The following PPM1D variants were observed in gnomAD, a reference collection of about 807,000 sequenced individuals.
PPM1D encodes the protein protein phosphatase, Mg2+/Mn2+ dependent 1D.
Under a neutral mutation model 58.3 loss-of-function variants are expected in PPM1D, and 52 were observed. That is an observed-to-expected ratio of 0.89 (90% CI 0.71 to 1.12). PPM1D has a LOEUF of 1.12. Ranked by LOEUF, PPM1D falls within the 50% of genes most tolerant of loss-of-function variation. The probability of loss-of-function intolerance (pLI) is 0.00; values close to 1 mark genes in which losing one functional copy is unlikely to be tolerated. For synonymous variants in PPM1D, 278 were observed against 285.1 expected, an observed-to-expected ratio of 0.98 and a Z score of 0.25; for missense variants, 564 against 777.2, an observed-to-expected ratio of 0.73 and a Z score of 3.26.
intron 3 of PPM1D, among the ~76,000 whole-genome samples, chr17:60,642,022 AATG>A (rs1468925442): frequency 6.6e-6 from 1 of 152,264 alleles, no homozygotes; most frequent in African/African-American, 2.4e-5. Context: ...GACCTACAGA[AATG>A]ATGTTCTATG....
intron 1 of PPM1D, among the ~76,000 whole-genome samples, chr17:60,620,931 C>CT (rs889413591): frequency 1.0e-4 from 15 of 148,220 alleles, no homozygotes; most frequent in East Asian, 4.0e-4. Context: ...TTCTTTCTTT[C>CT]TTTTTTTTTG....
rs1257266116 is a variant in PPM1D at position 60,665,288 on chromosome 17, G to A, written c.*1736G>A. On this transcript the variant is annotated 3_prime_UTR_variant, in exon 6 of 6. Coordinates refer to ENST00000305921, the MANE Select transcript of PPM1D (RefSeq NM_003620.4). Reference sequence around the variant, plus strand: ...CCGGCCTGAGTTTTATGCTTTCAATGTATTTCTTACATTTCAGTTCAAGTG... The same window carrying A: ...CCGGCCTGAGTTTTATGCTTTCAATATATTTCTTACATTTCAGTTCAAGTG... 2 of 151,866 alleles carry A rather than the reference G, an allele frequency of 1.3e-5. No homozygotes were observed. The highest frequency in any genetic ancestry group is 2.9e-5 in the Non-Finnish European group (2 of 67,974). 9.4% of individuals were successfully genotyped at this position (151,866 alleles called of 1,614,324 possible).
chr17:60,615,154 T>C (rs2030556352), intron 1 of PPM1D, among the ~76,000 whole-genome samples: 1 of 152,082 alleles, frequency 6.6e-6, no homozygotes, highest in African/African-American at 2.4e-5. Context: ...CCCAACACTT[T>C]GGGAGGCTGA....
At chr17:60,637,380 A>G (rs2031045120) in intron 3 of PPM1D, among the ~76,000 whole-genome samples, 1 of 152,140 alleles carries the variant, frequency 6.6e-6, no homozygotes, top group Non-Finnish European at 1.5e-5. Flanking sequence ...TACTGGGATT[A>G]CAGGCATGAG....
At chr17:60,645,449 AAT>A (rs1229193354) in intron 3 of PPM1D, among the ~76,000 whole-genome samples, 103 of 108,094 alleles carry the variant, frequency 9.5e-4, no homozygotes, top group South Asian at 5.3e-3. Context: ...AGCAATGTAA[AAT>A]ATATATGTGT....
At chr17:60,637,277 G>A (rs1409690351) in intron 3 of PPM1D, among the ~76,000 whole-genome samples, 1 of 151,494 alleles carries the variant, frequency 6.6e-6, no homozygotes, top group Non-Finnish European at 1.5e-5. Flanking sequence ...TTGAGATGAG[G>A]TCTCACTCTG....
chr17:60,654,146 G>A (rs2031391562), intron 4 of PPM1D, among the ~76,000 whole-genome samples: 1 of 151,708 alleles, frequency 6.6e-6, no homozygotes, highest in Non-Finnish European at 1.5e-5. Context: ...TCCCCATTCA[G>A]TATTGATGTT....
At chr17:60,661,234 A>AG (rs2031520959) in intron 5 of PPM1D, among the ~76,000 whole-genome samples, 1 of 151,846 alleles carries the variant, frequency 6.6e-6, no homozygotes, top group African/African-American at 2.4e-5. Flanking sequence ...AAAAAAAAAA[A>AG]AAAAAAGGAA....
chr17:60,652,571 T>C (rs897399615), intron 4 of PPM1D, among the ~76,000 whole-genome samples: 5 of 148,440 alleles, frequency 3.4e-5, no homozygotes, highest in Admixed American at 6.7e-5. Context: ...TTTTTTTTTT[T>C]TTTTGAGGAA....
chr17:60,605,732 G>T (rs2030315963), intron 1 of PPM1D, among the ~76,000 whole-genome samples: 2 of 152,084 alleles, frequency 1.3e-5, no homozygotes, highest in South Asian at 4.1e-4. Flanking sequence ...GTGAAACTCA[G>T]TCTCTATTAA....
chr17:60,661,588 G>A (rs564043760), intron 5 of PPM1D, among the ~76,000 whole-genome samples: 135 of 152,222 alleles, frequency 8.9e-4, no homozygotes, highest in African/African-American at 3.0e-3. Context: ...GACATGAAGC[G>A]TTGTGAAAAC....
Position 60,656,689 on chromosome 17 carries a change from G to A in PPM1D, c.1108G>A (p.Ala370Thr), listed in dbSNP as rs765467232. 1 of 1,614,138 alleles carries A rather than the reference G, an allele frequency of 6.2e-7. No individual in the cohort carries two copies. The highest frequency in any genetic ancestry group is 8.5e-7 in the Non-Finnish European group (1 of 1,180,024). Residue 370 changes from alanine to threonine, a missense_variant, in exon 5 of 6, where the codon GCC (alanine) becomes ACC (threonine). Physicochemically the swap from Ala to Thr is moderately conservative, Grantham distance 58 (BLOSUM62 0). This residue lies in a region of PPM1D where 18 missense variants were observed against 43.9 expected (regional missense o/e 0.41). Coordinates refer to ENST00000305921, the MANE Select transcript of PPM1D (RefSeq NM_003620.4). ...TATGCTCCGAGCAGATAACACTAGT[G>A]CCATAGTAATCTGCATCTCTCCAGA... ...QRMLRADNTSAIVICISPEVD... is the reference protein window; with the variant it reads ...QRMLRADNTSTIVICISPEVD...
chr17:60,663,681 C>T lies in PPM1D; in HGVS notation c.*129C>T, dbSNP rs138692362. The stretch of plus-strand genomic sequence containing the variant: ...ATATACAGTTTGACTTTTTGGAATT[C>T]AGCAGTTTTATCCTGGCCTTGTACT... On this transcript the variant is annotated 3_prime_UTR_variant, in exon 6 of 6. Coordinates refer to ENST00000305921, the MANE Select transcript of PPM1D (RefSeq NM_003620.4). The T allele has an allele frequency of 7.9e-5, 82 of 1,032,448 alleles. No individual in the cohort carries two copies. The African/African-American group carries it at 1.3e-3, about 16-fold the overall frequency. 64.0% of individuals were successfully genotyped at this position (1,032,448 alleles called of 1,614,324 possible). A position where few individuals can be genotyped will look rare whatever the true frequency, so the allele number is the denominator to read the frequency against.
chr17:60,645,498 GTATATATATA>G lies in PPM1D; in HGVS notation c.827-2392_827-2383del, dbSNP rs372803601. Among the ~76,000 whole-genome samples, 551 of 130,060 alleles carry G rather than the reference GTATATATATA, an allele frequency of 4.2e-3. 3 individuals carry two copies. Among genetic ancestry groups the G allele is most frequent in the African/African-American group, 0.013 (404 of 31,524 alleles). 85.3% of individuals were successfully genotyped at this position (130,060 alleles called of 152,430 possible). On this transcript the variant is annotated intron_variant, in intron 3 of 5. Coordinates refer to ENST00000305921, the MANE Select transcript of PPM1D (RefSeq NM_003620.4). ...TGTGTGTGTGTGTGTGTGTGTATGT[GTATATATATA>G]TGTGTATATATATGTATATATATAT...
chr17:60,655,103 T>C (rs1159156860), intron 4 of PPM1D, among the ~76,000 whole-genome samples: 4 of 152,202 alleles, frequency 2.6e-5, no homozygotes, highest in South Asian at 4.1e-4. Flanking sequence ...TAAGCAGTTA[T>C]TGTATTACTT....
intron 1 of PPM1D, among the ~76,000 whole-genome samples, chr17:60,610,134 C>T (rs896230201): frequency 1.4e-5 from 2 of 147,672 alleles, no homozygotes; most frequent in African/African-American, 2.5e-5. Context: ...GAGCCGAGAT[C>T]GTGCCACTGC....
intron 1 of PPM1D, among the ~76,000 whole-genome samples, chr17:60,609,475 A>C (rs2030408865): frequency 6.6e-6 from 1 of 152,192 alleles, no homozygotes; most frequent in African/African-American, 2.4e-5. Flanking sequence ...CACTTTCTGC[A>C]GTTTGTTAAC....
Position 60,633,302 on chromosome 17 carries a change from C to A in PPM1D, c.702-551C>A, listed in dbSNP as rs553677082. Among the ~76,000 whole-genome samples the A allele has an allele frequency of 1.2e-4, 19 of 152,230 alleles. No individual in the cohort carries two copies. In the South Asian group the frequency reaches 3.9e-3, roughly 32 times the overall value. ...TCCATCTCAAAAACAACAACAACAA[C>A]AAAAATTAAAACTGAAGTTCTGCTG... On this transcript the variant is annotated intron_variant, in intron 2 of 5. Transcript: ENST00000305921.
chr17:60,619,600 C>T (rs2030656966), intron 1 of PPM1D, among the ~76,000 whole-genome samples: 1 of 152,050 alleles, frequency 6.6e-6, no homozygotes, highest in East Asian at 1.9e-4. Context: ...GGTTATCTCT[C>T]TCTTTATTTT....
Sources: gnomAD v4.1 joint callset for allele counts (sites outside exome capture counted in the v4.1 genomes callset) on GRCh38, gnomAD v4.1.1 for gene constraint, gnomAD v4.1.1 regional missense constraint, MANE v1.5 for transcripts, NCBI Gene and HGNC (gene_info 2026-07-23, HGNC 2026-07-21) for gene names.